The following LRP1B variants were observed in gnomAD, a reference collection of about 807,000 sequenced individuals.
LRP1B encodes the protein low-density lipoprotein receptor-related protein 1B.
LRP1B carries 217 observed loss-of-function variants against 556.6 expected under a neutral mutation model. The observed-to-expected ratio is 0.39, with a 90% CI of 0.35 to 0.44. The LOEUF (loss-of-function observed/expected upper bound fraction) is 0.44. Ranked by LOEUF, LRP1B falls within the 20% of genes least tolerant of loss-of-function variation. LRP1B has a pLI of 1.00. For missense variants in LRP1B, 5,053 were observed against 5,620.8 expected, an observed-to-expected ratio of 0.90 and a Z score of 3.23; for synonymous variants, 2,047 against 1,865.8, an observed-to-expected ratio of 1.10 and a Z score of -2.50.
rs201872645 is a variant in LRP1B, at chr2:141,965,798, C to CA, written c.83-155398dup. ...ATAAATAAATAAATAAATATGTATC[C>CA]AAAAAAAAAAAAAAAGAAAATTGTT... is the stretch of plus-strand genomic sequence containing the variant. On this transcript the variant is annotated intron_variant, in intron 1 of 90. Transcript: ENST00000389484. Among the ~76,000 whole-genome samples, 407 of 98,426 alleles carry CA rather than the reference C, an allele frequency of 4.1e-3. 2 individuals are homozygous for CA. Among genetic ancestry groups the CA allele is most frequent in the South Asian group, 0.019 (54 of 2,906 alleles). The allele number at this position is 98,426 out of a possible 152,430, so 64.6% of individuals were successfully genotyped here.
chr2:140,950,796 G>T (rs1695691213), intron 19 of LRP1B, among the ~76,000 whole-genome samples: 1 of 150,830 alleles, frequency 6.6e-6, no homozygotes. Context: ...CCGGCCCTTT[G>T]ATTTATTTAT....
rs1333501018 is a variant in LRP1B at position 140,910,664 on chromosome 2, A to C, written c.3320-2587T>G. On this transcript the variant is annotated intron_variant, in intron 21 of 90. Coordinates refer to ENST00000389484, the MANE Select transcript of LRP1B (RefSeq NM_018557.3). ...AATCAATCCAAGTGCAAGATTCATA[A>C]AGAAATTGTAATGGTTCAGAAACAT... 3.9e-5 allele frequency among the ~76,000 whole-genome samples: 6 copies of C among 152,016 alleles called. No individual in the cohort carries two copies. The East Asian group carries it at 1.2e-3, about 29-fold the overall frequency.
chr2:140,726,382 C>T (rs982459178), intron 35 of LRP1B, among the ~76,000 whole-genome samples: 1 of 152,102 alleles, frequency 6.6e-6, no homozygotes, highest in Non-Finnish European at 1.5e-5. Context: ...ATTATAGGCA[C>T]CAGATCTCTT....
At chr2:140,520,266 T>C (rs1276839820) in intron 49 of LRP1B, among the ~76,000 whole-genome samples, 2 of 152,124 alleles carry the variant, frequency 1.3e-5, no homozygotes, top group Non-Finnish European at 2.9e-5. Context: ...CATGGAATAC[T>C]ATGCAACCAT....
At chr2:140,494,531 G>T (rs771291363) in intron 56 of LRP1B, among the ~76,000 whole-genome samples, 6 of 151,052 alleles carry the variant, frequency 4.0e-5, no homozygotes, top group Non-Finnish European at 7.4e-5. Context: ...TGTGAACCTG[G>T]GGGAGGCAGA....
In LRP1B at chr2:140,495,762, A is replaced by G; in HGVS notation, c.8851-14T>C. On this transcript the variant is annotated splice_polypyrimidine_tract_variant and intron_variant, in intron 55 of 90. Coordinates refer to ENST00000389484, the MANE Select transcript of LRP1B (RefSeq NM_018557.3). ...CCAGCATTTGCACTGGGAAAAGAAA[A>G]ATGAGCATAATCAATTCATATCATT... The G allele has an allele frequency of 6.3e-7, 1 of 1,591,052 alleles. No homozygotes were observed. Among genetic ancestry groups the G allele is most frequent in the Non-Finnish European group, 8.6e-7 (1 of 1,161,918 alleles).
intron 2 of LRP1B, among the ~76,000 whole-genome samples, chr2:141,531,905 A>G (rs1184564220): frequency 2.0e-5 from 3 of 152,148 alleles, no homozygotes; most frequent in Non-Finnish European, 2.9e-5. Flanking sequence ...ATACTTCATT[A>G]TATTTCTTCT....
chr2:141,491,097 A>G (rs1176698545), intron 2 of LRP1B, among the ~76,000 whole-genome samples: 1 of 152,110 alleles, frequency 6.6e-6, no homozygotes, highest in Non-Finnish European at 1.5e-5. Context: ...TGAAAATAAT[A>G]AAAGTACTTT....
Position 141,427,901 on chromosome 2 carries a change from G to A in LRP1B, c.343+52495C>T, listed in dbSNP as rs74743841. Among the ~76,000 whole-genome samples the A allele has an allele frequency of 3.7e-3, 558 of 152,230 alleles. 4 individuals are homozygous for A. The highest frequency in any genetic ancestry group is 0.012 in the African/African-American group (515 of 41,540). On this transcript the variant is annotated intron_variant, in intron 3 of 90. Transcript: ENST00000389484. ...ACAATAGTGAGTCAAGATGGAAGCC[G>A]TCATGTGGATACAAAAGGGGAAAGA...
chr2:140,351,191 G>T (rs920107543), intron 76 of LRP1B, among the ~76,000 whole-genome samples, 153 bp from the exon 77 acceptor site: 1 of 151,606 alleles, frequency 6.6e-6, no homozygotes, highest in Non-Finnish European at 1.5e-5. Context: ...AGTCTTTATG[G>T]CTTATTATTT....
At chr2:141,029,176 T>C (rs1698297890) in intron 11 of LRP1B, among the ~76,000 whole-genome samples, 1 of 152,120 alleles carries the variant, frequency 6.6e-6, no homozygotes, top group African/African-American at 2.4e-5. Context: ...GTTACAGGGC[T>C]ATTATAGGTT....
intron 41 of LRP1B, among the ~76,000 whole-genome samples, chr2:140,608,244 G>A (rs1005799648): frequency 1.3e-5 from 2 of 152,102 alleles, no homozygotes; most frequent in Admixed American, 6.5e-5. Context: ...ATCAATAGTT[G>A]TATATATACA....
chr2:141,159,942 T>A (rs1018797583), intron 7 of LRP1B, among the ~76,000 whole-genome samples: 1 of 151,776 alleles, frequency 6.6e-6, no homozygotes, highest in African/African-American at 2.4e-5. Context: ...AACTGAACAT[T>A]GAGAACACAT....
At chr2:141,279,130 G>C (rs572819564) in intron 3 of LRP1B, among the ~76,000 whole-genome samples, 74 of 151,818 alleles carry the variant, frequency 4.9e-4, no homozygotes, top group Non-Finnish European at 9.4e-4. Flanking sequence ...TAAATTAACA[G>C]TTTTTTGGGG....
chr2:140,623,809 C>T (rs1683543926), intron 41 of LRP1B, among the ~76,000 whole-genome samples: 1 of 151,762 alleles, frequency 6.6e-6, no homozygotes, highest in Non-Finnish European at 1.5e-5. Context: ...ATTCCAGCTA[C>T]TCTGGAGGCT....
chr2:142,010,919 C>T (rs545631364), intron 1 of LRP1B, among the ~76,000 whole-genome samples: 1 of 152,266 alleles, frequency 6.6e-6, no homozygotes, highest in South Asian at 2.1e-4. Context: ...TATGCTGCTC[C>T]CTGCTTCATG....
At chr2:141,798,729 A>AT (rs1491326503) in intron 2 of LRP1B, among the ~76,000 whole-genome samples, 2 of 147,282 alleles carry the variant, frequency 1.4e-5, no homozygotes, top group Non-Finnish European at 3.0e-5. Context: ...AAAAAAAAAA[A>AT]GAATATATTT....
At chr2:141,354,032 G>A (rs1334151493) in intron 3 of LRP1B, among the ~76,000 whole-genome samples, 9 of 151,912 alleles carry the variant, frequency 5.9e-5, no homozygotes, top group African/African-American at 2.2e-4. Flanking sequence ...CATTAGAGAA[G>A]GGAACAGTAG....
At chr2:141,178,970 A>G (rs1035087934) in intron 7 of LRP1B, among the ~76,000 whole-genome samples, 1 of 152,110 alleles carries the variant, frequency 6.6e-6, no homozygotes, top group African/African-American at 2.4e-5. Context: ...TATAAAAGCA[A>G]CTATCATTAG....
Sources: gnomAD v4.1 joint callset for allele counts (sites outside exome capture counted in the v4.1 genomes callset) on GRCh38, gnomAD v4.1.1 for gene constraint, MANE v1.5 for transcripts, NCBI Gene and HGNC (gene_info 2026-07-23, HGNC 2026-07-21) for gene names.